The following TGDS variants were observed in gnomAD, a reference collection of about 807,000 sequenced individuals.
The protein encoded by TGDS is TDP-glucose 4,6-dehydratase, also known as UDP-D-glucose 4,6-dehydratase.
A neutral mutation model predicts 52.3 loss-of-function variants in TGDS; 47 were observed. The observed-to-expected ratio is 0.90, with a 90% CI of 0.71 to 1.15. TGDS has a LOEUF of 1.15. Ranked by LOEUF, TGDS falls within the 50% of genes most tolerant of loss-of-function variation. The pLI, the probability that TGDS is intolerant of heterozygous loss-of-function variation, is 0.00. For missense variants in TGDS, 375 were observed against 418.4 expected (o/e 0.90, Z 0.90); for synonymous variants, 115 against 136.9 (o/e 0.84, Z 1.12).
intron 1 of TGDS, 121 bp downstream of exon 1, chr13:94,595,930 T>A: frequency 1.8e-6 from 2 of 1,088,914 alleles, no homozygotes; most frequent in Non-Finnish European, 2.8e-6. Flanking sequence ...ATTAGGACCC[T>A]CCCCATATCA....
intron 6 of TGDS, among the ~76,000 whole-genome samples, chr13:94,580,609 CCT>C (rs1746540402): frequency 6.6e-6 from 1 of 152,250 alleles, no homozygotes; most frequent in South Asian, 2.1e-4. Flanking sequence ...ATCTGTCTTC[CCT>C]CTGTCTTCCT....
At position 94,574,872 on chromosome 13, in the gene TGDS, G is replaced by T; in HGVS notation, c.983-20C>A. ...ATTCAACTAATAGGAAAAAACAAAA[G>T]ACAAAAAAAAAAAAGAAAAGAAAGA... On this transcript the variant is annotated intron_variant, in intron 11 of 11. Coordinates refer to ENST00000261296, the MANE Select transcript of TGDS (RefSeq NM_014305.4). The T allele has an allele frequency of 7.4e-6, 8 of 1,081,068 alleles. No individual in the cohort carries two copies. The highest frequency in any genetic ancestry group is 8.7e-6 in the Non-Finnish European group (7 of 808,002). 67.0% of individuals were successfully genotyped at this position (1,081,068 alleles called of 1,614,324 possible). A position where few individuals can be genotyped will look rare whatever the true frequency, so the allele number is the denominator to read the frequency against.
At chr13:94,593,289 C>A (rs1156322519) in intron 2 of TGDS, among the ~76,000 whole-genome samples, 2 of 152,098 alleles carry the variant, frequency 1.3e-5, no homozygotes, top group Non-Finnish European at 2.9e-5. Context: ...ATTCATTATA[C>A]CTATTCCTCA....
intron 2 of TGDS, among the ~76,000 whole-genome samples, chr13:94,592,567 C>T (rs1325999556): frequency 6.6e-6 from 1 of 152,108 alleles, no homozygotes; most frequent in African/African-American, 2.4e-5. Flanking sequence ...ATTCTCCTGC[C>T]TCAGCCTCCC....
intron 7 of TGDS, chr13:94,579,344 T>C (rs1888710603): frequency 6.6e-6 from 1 of 152,498 alleles, no homozygotes; most frequent in African/African-American, 2.4e-5. Context: ...ATAGAGCCAA[T>C]TGCACAGGCA....
intron 4 of TGDS, among the ~76,000 whole-genome samples, chr13:94,590,521 TATAA>T (rs1272219501): frequency 1.3e-5 from 2 of 152,128 alleles, no homozygotes; most frequent in Non-Finnish European, 2.9e-5. Context: ...CATAAAATGA[TATAA>T]ATAATGTCCA....
In TGDS at chr13:94,590,866, T is replaced by C; in HGVS notation, c.300A>G (p.Ala100=). Residue 100 remains alanine, a synonymous_variant, in exon 4 of 12, where the codon GCA becomes GCG. Coordinates refer to ENST00000261296, the MANE Select transcript of TGDS (RefSeq NM_014305.4). ...AACAATGCTTACCTACATGTGTTTGTGCGGCAAAATGTAGTACTATATCTA... is the reference window on the plus strand; with the variant it reads ...AACAATGCTTACCTACATGTGTTTGCGCGGCAAAATGTAGTACTATATCTA... ...EKIDIVLHFA[A]QTHVDLSFVR... is the part of the protein sequence containing the mutation. The C allele has an allele frequency of 1.9e-6, 3 of 1,568,796 alleles. No individual in the cohort carries two copies. The highest frequency in any genetic ancestry group is 2.6e-6 in the Non-Finnish European group (3 of 1,166,216).
chr13:94,579,854 A>T (rs1045508405), intron 7 of TGDS, 40 bp downstream of exon 7: 1 of 1,152,724 alleles, frequency 8.7e-7, no homozygotes, highest in South Asian at 1.3e-5. Context: ...GAGAAGTTAC[A>T]ATCACTGAAA....
chr13:94,577,120 G>A (rs1426694104), intron 10 of TGDS, among the ~76,000 whole-genome samples: 2 of 151,402 alleles, frequency 1.3e-5, no homozygotes, highest in African/African-American at 4.9e-5. Flanking sequence ...AAAAAAAGAT[G>A]TTATTATCCC....
chr13:94,578,482 A>G (rs540167375), intron 8 of TGDS, among the ~76,000 whole-genome samples: 4 of 152,202 alleles, frequency 2.6e-5, no homozygotes, highest in Admixed American at 6.5e-5. Flanking sequence ...TTATATAAAA[A>G]TAGATTTCAA....
chr13:94,577,477 G>A (rs761224883), intron 9 of TGDS, 48 bp from the exon 10 acceptor site: 3 of 1,475,422 alleles, frequency 2.0e-6, no homozygotes, highest in Non-Finnish European at 2.7e-6. Context: ...AATGAGATCA[G>A]AGAATAACAA....
chr13:94,589,317 T>TTC (rs1443675658), intron 4 of TGDS, among the ~76,000 whole-genome samples: 1 of 102,942 alleles, frequency 9.7e-6, no homozygotes, highest in Non-Finnish European at 1.9e-5. Flanking sequence ...GACAAAAGAT[T>TTC]TCTTTTTTTT....
At position 94,578,181 on chromosome 13, in the gene TGDS, T is replaced by G. The variant is rs368905722; in HGVS notation, c.660-11A>C. On this transcript the variant is annotated splice_polypyrimidine_tract_variant and intron_variant, in intron 8 of 11. Transcript: ENST00000261296. The stretch of plus-strand genomic sequence containing the variant: ...GACCCATGAATGCAACTAAAGAGAT[T>G]AAACGAAGTGAAATCATAAAGTGTA... 1.2e-6 allele frequency: 2 copies of G among 1,611,996 alleles called. No homozygotes were observed. Among genetic ancestry groups the G allele is most frequent in the African/African-American group, 2.7e-5 (2 of 74,784 alleles).
chr13:94,588,656 A>G (rs1329029119), intron 4 of TGDS, among the ~76,000 whole-genome samples: 9 of 152,180 alleles, frequency 5.9e-5, no homozygotes, highest in Admixed American at 2.6e-4. Flanking sequence ...AAGGTTTTTA[A>G]CTTCATCAGG....
Position 94,574,478 on chromosome 13 carries a change from C to T in TGDS, c.*304G>A. 4.1e-6 allele frequency: 1 copy of T among 245,622 alleles called. No homozygotes were observed. The highest frequency in any genetic ancestry group is 1.2e-4 in the South Asian group (1 of 8,560). The allele number at this position is 245,622 out of a possible 1,614,324, so 15.2% of individuals were successfully genotyped here. On this transcript the variant is annotated 3_prime_UTR_variant, in exon 12 of 12. Transcript: ENST00000261296. Reference sequence around the variant, plus strand: ...GGTTGCCTTCTCCCTAGCACCACTACCCCTCATGGTTGTCCGAATCAGGAG... The same window carrying T: ...GGTTGCCTTCTCCCTAGCACCACTATCCCTCATGGTTGTCCGAATCAGGAG...
chr13:94,582,222 G>A (rs1888823626), intron 5 of TGDS, among the ~76,000 whole-genome samples: 2 of 151,638 alleles, frequency 1.3e-5, no homozygotes, highest in Non-Finnish European at 2.9e-5. Flanking sequence ...AATAGATTTT[G>A]GTTTTTACAA....
chr13:94,585,169 C>A lies in TGDS; in HGVS notation c.314-1933G>T, dbSNP rs539354412. Among the ~76,000 whole-genome samples the A allele has an allele frequency of 1.5e-3, 226 of 152,068 alleles. 1 individual carries two copies. Among genetic ancestry groups the A allele is most frequent in the Middle Eastern group, 6.8e-3 (2 of 294 alleles). Reference sequence around the variant, plus strand: ...GATTCAAGCCATTCTTGTGTCTCAGCCTCCCGAGTAGCTGGGGTTACAGGT... The same window carrying A: ...GATTCAAGCCATTCTTGTGTCTCAGACTCCCGAGTAGCTGGGGTTACAGGT... On this transcript the variant is annotated intron_variant, in intron 4 of 11. Transcript: ENST00000261296.
chr13:94,579,038 C>T (rs1888703185), intron 7 of TGDS, among the ~76,000 whole-genome samples: 1 of 152,132 alleles, frequency 6.6e-6, no homozygotes, highest in East Asian at 1.9e-4. Context: ...CAGTTGGTCT[C>T]ATCATAAAGC....
intron 8 of TGDS, among the ~76,000 whole-genome samples, chr13:94,578,407 A>G (rs1051032415): frequency 2.0e-5 from 3 of 152,240 alleles, no homozygotes; most frequent in Non-Finnish European, 2.9e-5. Flanking sequence ...ATTTTATGTC[A>G]TAAGTTCATT....
Sources: allele counts gnomAD v4.1 joint callset (sites outside exome capture counted in the v4.1 genomes callset), GRCh38; gene constraint gnomAD v4.1.1; transcripts MANE v1.5; gene names NCBI Gene and HGNC (gene_info 2026-07-23, HGNC 2026-07-21).